The following PTPRD variants were observed in gnomAD, a reference collection of about 807,000 sequenced individuals.
The protein encoded by PTPRD is receptor-type tyrosine-protein phosphatase delta.
PTPRD carries 34 observed loss-of-function variants against 214.5 expected under a neutral mutation model. That is an observed-to-expected ratio of 0.16 (90% confidence interval 0.12 to 0.21). The LOEUF (loss-of-function observed/expected upper bound fraction) is 0.21. Among genes scored for constraint, PTPRD ranks in the 10% least tolerant of loss-of-function variants. The pLI is 1.00. For missense variants in PTPRD, 2,545 were observed against 2,398.7 expected, an observed-to-expected ratio of 1.06 and a Z score of -1.27; for synonymous variants, 1,128 against 845.7, an observed-to-expected ratio of 1.33 and a Z score of -5.79.
rs992352300 is a variant in PTPRD at position 8,484,492 on chromosome 9, T to C, written c.3154-114A>G. 10 of 1,107,170 alleles carry C rather than the reference T, an allele frequency of 9.0e-6. No individual in the cohort carries two copies. The African/African-American group carries it at 1.1e-4, about 12-fold the overall frequency. 68.6% of individuals were successfully genotyped at this position (1,107,170 alleles called of 1,614,324 possible). A position where few individuals can be genotyped will look rare whatever the true frequency, so the allele number is the denominator to read the frequency against. On this transcript the variant is annotated intron_variant, in intron 29 of 45. Transcript: ENST00000381196. ...ATGTATATATAGTCAATTCTAATTT[T>C]AGGTGATTTCTAAGTCCATGAGTAG...
chr9:8,703,043 AT>A (rs1431894831), intron 12 of PTPRD, among the ~76,000 whole-genome samples: 1 of 152,220 alleles, frequency 6.6e-6, no homozygotes, highest in Non-Finnish European at 1.5e-5. Context: ...TACATAAAGA[AT>A]TTTAAGCAGT....
At chr9:10,169,491 A>G (rs1424478055) in intron 3 of PTPRD, among the ~76,000 whole-genome samples, 1 of 150,884 alleles carries the variant, frequency 6.6e-6, no homozygotes, top group East Asian at 1.9e-4. Context: ...AAAAAAAAAA[A>G]AAGCAATGAG....
intron 10 of PTPRD, among the ~76,000 whole-genome samples, chr9:9,070,502 T>A (rs2099742197): frequency 6.6e-6 from 1 of 152,132 alleles, no homozygotes; most frequent in African/African-American, 2.4e-5. Flanking sequence ...TGCCTGAAGT[T>A]GAAAATCAAG....
chr9:8,507,245 A>C (rs2097561385), intron 22 of PTPRD, 56 bp downstream of exon 22: 16 of 1,571,186 alleles, frequency 1.0e-5, no homozygotes, highest in Non-Finnish European at 1.4e-5. Context: ...CACAAAAATA[A>C]AAAAGTGGCC....
At chr9:8,487,426 A>G (rs1447943671) in intron 27 of PTPRD, among the ~76,000 whole-genome samples, 1 of 151,974 alleles carries the variant, frequency 6.6e-6, no homozygotes, top group Non-Finnish European at 1.5e-5. Context: ...AACTAAACCA[A>G]GTTAACAGAA....
At chr9:8,779,340 C>G (rs953419584) in intron 11 of PTPRD, among the ~76,000 whole-genome samples, 1 of 152,188 alleles carries the variant, frequency 6.6e-6, no homozygotes, top group African/African-American at 2.4e-5. Context: ...CCCAGCCCCT[C>G]CTTTAGAGAT....
intron 9 of PTPRD, among the ~76,000 whole-genome samples, chr9:9,266,651 A>C (rs1241490990): frequency 1.3e-5 from 2 of 151,334 alleles, no homozygotes; most frequent in Non-Finnish European, 3.0e-5. Flanking sequence ...ATAAGTAAAA[A>C]TTAAGTATAA....
intron 37 of PTPRD, among the ~76,000 whole-genome samples, chr9:8,386,508 G>C (rs974302932): frequency 6.6e-6 from 1 of 152,150 alleles, no homozygotes; most frequent in African/African-American, 2.4e-5. Flanking sequence ...TCAAGCTTCA[G>C]CTCTTGGAGA....
chr9:9,015,495 G>C (rs1364178810), intron 11 of PTPRD, among the ~76,000 whole-genome samples: 1 of 152,120 alleles, frequency 6.6e-6, no homozygotes, highest in Non-Finnish European at 1.5e-5. Context: ...TCCACTCCTT[G>C]TTTAGCATAT....
intron 9 of PTPRD, among the ~76,000 whole-genome samples, chr9:9,282,931 T>C (rs909893969): frequency 6.6e-6 from 1 of 151,464 alleles, no homozygotes. Flanking sequence ...ATATGTTAGA[T>C]TACACTATTC....
intron 5 of PTPRD, among the ~76,000 whole-genome samples, chr9:9,895,722 G>A (rs1238261206): frequency 6.6e-6 from 1 of 152,002 alleles, no homozygotes; most frequent in Non-Finnish European, 1.5e-5. Flanking sequence ...TGGTAAGAAT[G>A]AGCAATTATT....
chr9:9,760,905 T>C (rs2098649430), intron 6 of PTPRD, among the ~76,000 whole-genome samples: 1 of 152,096 alleles, frequency 6.6e-6, no homozygotes, highest in African/African-American at 2.4e-5. Flanking sequence ...CACCACCAAA[T>C]GCTGGCAGGG....
At chr9:8,732,784 C>G (rs773872133) in intron 12 of PTPRD, among the ~76,000 whole-genome samples, 40 of 152,238 alleles carry the variant, frequency 2.6e-4, no homozygotes, top group Non-Finnish European at 4.7e-4. Flanking sequence ...GAATTCCTGT[C>G]AAAATGCAAT....
intron 3 of PTPRD, among the ~76,000 whole-genome samples, chr9:10,305,473 G>C (rs1297311778): frequency 6.6e-6 from 1 of 151,344 alleles, no homozygotes; most frequent in Non-Finnish European, 1.5e-5. Context: ...TATCATCAGA[G>C]TGAACAGGCA....
chr9:9,187,942 A>C (rs2099932666), intron 9 of PTPRD, among the ~76,000 whole-genome samples: 1 of 151,992 alleles, frequency 6.6e-6, no homozygotes, highest in Non-Finnish European at 1.5e-5. Context: ...TCAATATATA[A>C]TGCACTTATA....
chr9:10,401,656 T>C (rs937227720), intron 2 of PTPRD, among the ~76,000 whole-genome samples: 28 of 148,244 alleles, frequency 1.9e-4, no homozygotes, highest in African/African-American at 5.9e-4. Flanking sequence ...ACTATAGATA[T>C]ACTGTTATAT....
chr9:8,373,925 CCTAT>C (rs2082422919), intron 39 of PTPRD, among the ~76,000 whole-genome samples: 1 of 107,274 alleles, frequency 9.3e-6, no homozygotes, highest in Non-Finnish European at 1.7e-5. Context: ...TACCTACCTA[CCTAT>C]CTCAGTTTTC....
In PTPRD at chr9:9,885,629, T is replaced by G. The variant is rs188880126; in HGVS notation, c.-368+52878A>C. Among the ~76,000 whole-genome samples, 345 of 152,008 alleles carry G rather than the reference T, an allele frequency of 2.3e-3. 3 individuals carry two copies. The highest frequency in any genetic ancestry group is 8.1e-3 in the African/African-American group (334 of 41,438). Reference sequence around the variant, plus strand: ...AAGGGAAGGAGAAGGGAGGGTAGTTTTAGAGAATGAAATGTGGCCATGGAA... The same window carrying G: ...AAGGGAAGGAGAAGGGAGGGTAGTTGTAGAGAATGAAATGTGGCCATGGAA... On this transcript the variant is annotated intron_variant, in intron 5 of 45. Coordinates refer to ENST00000381196, the MANE Select transcript of PTPRD (RefSeq NM_002839.4).
At chr9:9,503,935 C>A (rs1010424396) in intron 8 of PTPRD, among the ~76,000 whole-genome samples, 2 of 151,720 alleles carry the variant, frequency 1.3e-5, no homozygotes, top group African/African-American at 4.8e-5. Context: ...TGGAATGGTG[C>A]CACTTTTGTT....
Sources: gnomAD v4.1 joint callset for allele counts (sites outside exome capture counted in the v4.1 genomes callset) on GRCh38, gnomAD v4.1.1 for gene constraint, MANE v1.5 for transcripts, NCBI Gene and HGNC (gene_info 2026-07-23, HGNC 2026-07-21) for gene names.